MESD: variants seen among roughly 807,000 people sequenced by gnomAD.
The protein encoded by MESD is LRP chaperone MESD.
Under a neutral mutation model 12.9 loss-of-function variants are expected in MESD, and 7 were observed. That is an observed-to-expected ratio of 0.54 (90% CI 0.31 to 1.02). The LOEUF is 1.02. Ranked by LOEUF, MESD falls within the 50% of genes least tolerant of loss-of-function variation. The pLI, the probability that MESD is intolerant of heterozygous loss-of-function variation, is 0.05. For synonymous variants in MESD, 126 were observed against 115.6 expected (o/e 1.09, Z -0.58); for missense variants, 342 against 296.7 (o/e 1.15, Z -1.12).
intron 3 of MESD, among the ~76,000 whole-genome samples, chr15:80,965,403 CA>C (rs1450115286): frequency 6.6e-6 from 1 of 152,168 alleles, no homozygotes. Context: ...GGCAATTCCT[CA>C]AGGATCTAGA....
At chr15:80,950,828 C>T (rs1053754675) in intron 4 of MESD, 4 of 152,726 alleles carry the variant, frequency 2.6e-5, no homozygotes, top group Non-Finnish European at 5.9e-5. Context: ...CTCCCTGGGT[C>T]TTGTGATGAA....
chr15:80,962,704 A>T (rs376847061), intron 3 of MESD, among the ~76,000 whole-genome samples: 2 of 152,328 alleles, frequency 1.3e-5, no homozygotes. Context: ...GCACAACTAC[A>T]TGGAAACTGA....
chr15:80,952,078 G>A (rs1280697529), exon 4 of MESD: 1 of 422,266 alleles, frequency 2.4e-6, no homozygotes, highest in Non-Finnish European at 4.8e-6. Context: ...ACATTTCTAA[G>A]CTGTCAGGAG....
chr15:80,984,713 T>C lies in MESD; in HGVS notation c.214-2531A>G, dbSNP rs1449762940. Among the ~76,000 whole-genome samples the C allele has an allele frequency of 2.0e-5, 3 of 152,204 alleles. No individual in the cohort carries two copies. The East Asian group carries it at 5.8e-4, about 29-fold the overall frequency. ...CTCTGAAGATACTAAAACTAAAATGTACACTTTACATGGGTAAATTGCCTA... is the reference window on the plus strand; with the variant it reads ...CTCTGAAGATACTAAAACTAAAATGCACACTTTACATGGGTAAATTGCCTA... On this transcript the variant is annotated intron_variant, in intron 1 of 2. Coordinates refer to ENST00000261758, the MANE Select transcript of MESD (RefSeq NM_015154.3).
rs1448973725 is a variant in MESD at position 80,979,281 on chromosome 15, CTCCT to C, written c.639_642del (p.Gly214IlefsTer2). ...TCCTTGGAAGACCGAGATTTCAGAT[CTCCT>C]TCCTTCTTTTTTTTGCCCTTGTCTT... On this transcript the variant is annotated frameshift_variant, in exon 3 of 3. Transcript: ENST00000261758. LOFTEE classifies it low-confidence loss of function (END_TRUNC). 1.2e-6 allele frequency: 2 copies of C among 1,613,844 alleles called. No individual in the cohort carries two copies. Among genetic ancestry groups the C allele is most frequent in the Non-Finnish European group, 1.7e-6 (2 of 1,180,004 alleles).
chr15:80,949,018 C>T lies in MESD; in HGVS notation c.*627-120G>A, dbSNP rs111619496. 3.0e-3 allele frequency: 4,646 copies of T among 1,526,128 alleles called. 113 individuals are homozygous for T. In the African/African-American group the frequency reaches 0.054, roughly 18 times the overall value. The allele number at this position is 1,526,128 out of a possible 1,614,324, so 94.5% of individuals were successfully genotyped here. The stretch of plus-strand genomic sequence containing the variant: ...GGATGGCTGGGTCCCCCAGCCCCTG[C>T]CAGCAGCTGCCTGGGAAGGCCGTGT... On this transcript the variant is annotated intron_variant, in intron 4 of 4. Coordinates refer to the MESD transcript ENST00000561312.
At chr15:80,968,967 T>C (rs1379773534) in intron 3 of MESD, among the ~76,000 whole-genome samples, 8 of 152,140 alleles carry the variant, frequency 5.3e-5, no homozygotes, top group Admixed American at 1.3e-4. Flanking sequence ...GGTGGGAGGA[T>C]TGCTTGAACC....
At chr15:80,982,569 G>C (rs1166865928) in intron 1 of MESD, among the ~76,000 whole-genome samples, 1 of 152,178 alleles carries the variant, frequency 6.6e-6, no homozygotes, top group African/African-American at 2.4e-5. Context: ...AGTGACAGAA[G>C]CCAGATACAA....
chr15:80,972,779 T>C (rs7164777), downstream of MESD, among the ~76,000 whole-genome samples: 3,277 of 152,264 alleles, frequency 0.022, 120 homozygotes, highest in African/African-American at 0.074. Flanking sequence ...TCCCAGCACT[T>C]TGGGAGGCCG....
At chr15:80,989,383 A>G (rs1893231760) in intron 1 of MESD, among the ~76,000 whole-genome samples, 196 bp downstream of exon 1, 1 of 152,152 alleles carries the variant, frequency 6.6e-6, no homozygotes, top group South Asian at 2.1e-4. Context: ...AGAGGGCTGG[A>G]GCGAGGGTCA....
rs781351101 is a variant in MESD, at chr15:80,979,262, G to A, written c.662C>T (p.Ser221Phe). 47 of 1,613,784 alleles carry A rather than the reference G, an allele frequency of 2.9e-5. No individual in the cohort carries two copies. In the South Asian group the frequency reaches 5.1e-4, roughly 17 times the overall value. ...KKEGDLKSRS[S>F]KEENRAGNKR... ...ATTCCCAGCTCGATTTTCTTCCTTG[G>A]AAGACCGAGATTTCAGATCTCCTTC... The change falls in exon 3 of 3, where the codon TCC (serine) becomes TTC (phenylalanine). Residue 221 changes from serine to phenylalanine, a missense_variant. By Grantham distance (155) the Ser-to-Phe change is radical (BLOSUM62 -2). Coordinates refer to ENST00000261758, the MANE Select transcript of MESD (RefSeq NM_015154.3).
chr15:80,968,614 C>T (rs1165113613), intron 3 of MESD, among the ~76,000 whole-genome samples: 1 of 151,946 alleles, frequency 6.6e-6, no homozygotes, highest in Non-Finnish European at 1.5e-5. Context: ...TAAGACCAGC[C>T]AAGGTAAAAT....
intron 3 of MESD, among the ~76,000 whole-genome samples, chr15:80,955,810 C>T (rs976577797): frequency 6.6e-6 from 1 of 151,830 alleles, no homozygotes; most frequent in African/African-American, 2.4e-5. Flanking sequence ...TTAGTAGAGA[C>T]GGGTTTTCGC....
chr15:80,989,720 T>TAGCAGC lies in MESD; in HGVS notation c.66_71dup (p.Leu25_Leu26dup), dbSNP rs376961994. The TAGCAGC allele has an allele frequency of 1.9e-6, 3 of 1,608,266 alleles. No individual in the cohort carries two copies. Among genetic ancestry groups the TAGCAGC allele is most frequent in the Admixed American group, 1.7e-5 (1 of 59,992 alleles). On this transcript the variant is annotated inframe_insertion, in exon 1 of 3. Transcript: ENST00000261758. Reference sequence around the variant, plus strand: ...CGCAGGACCCAGGCGGTGGTAGCAGTAGCAGCAGCAGCAGCAGGTCAGAGG... The same window carrying TAGCAGC: ...CGCAGGACCCAGGCGGTGGTAGCAGTAGCAGCAGCAGCAGCAGCAGCAGGTCAGAGG...
intron 3 of MESD, among the ~76,000 whole-genome samples, chr15:80,961,462 A>G (rs1423258466): frequency 6.6e-6 from 1 of 152,232 alleles, no homozygotes; most frequent in Admixed American, 6.5e-5. Context: ...AAAATATTAA[A>G]AAGAACTATA....
In MESD at chr15:80,979,373, G is replaced by A. The variant is rs755846651; in HGVS notation, c.551C>T (p.Thr184Ile). The change falls in exon 3 of 3, where the codon ACT (threonine) becomes ATT (isoleucine). Residue 184 changes from threonine (T) to isoleucine (I), a missense_variant. Thr to Ile is a moderately conservative substitution (Grantham distance 89). Transcript: ENST00000261758. ...LVGQDRCADV[T>I]LEGQVYPGKG... ...GCCGGGGTACACCTGGCCCTCCAGA[G>A]TTACATCAGCACACCTGTCTTGACC... 35 of 1,613,988 alleles carry A rather than the reference G, an allele frequency of 2.2e-5. No homozygotes were observed. The highest frequency in any genetic ancestry group is 2.7e-5 in the African/African-American group (2 of 74,892).
intron 3 of MESD, among the ~76,000 whole-genome samples, chr15:80,963,677 A>G (rs565348370): frequency 2.0e-5 from 3 of 152,318 alleles, no homozygotes; most frequent in African/African-American, 7.2e-5. Context: ...GGTTCAACAC[A>G]TGCAAATCAA....
At chr15:80,980,341 C>G (rs1483011156) in intron 2 of MESD, among the ~76,000 whole-genome samples, 1 of 152,220 alleles carries the variant, frequency 6.6e-6, no homozygotes, top group African/African-American at 2.4e-5. Flanking sequence ...AATTTCAGAA[C>G]TGTTTTTGAG....
chr15:80,989,385 C>T (rs901150257), intron 1 of MESD, among the ~76,000 whole-genome samples, 194 bp downstream of exon 1: 3 of 152,004 alleles, frequency 2.0e-5, no homozygotes, highest in African/African-American at 7.3e-5. Context: ...AGGGCTGGAG[C>T]GAGGGTCAGC....
Sources: gnomAD v4.1 joint callset for allele counts (sites outside exome capture counted in the v4.1 genomes callset) on GRCh38, gnomAD v4.1.1 for gene constraint, MANE v1.5 for transcripts, NCBI Gene and HGNC (gene_info 2026-07-23, HGNC 2026-07-21) for gene names.